CERT1: variants seen among roughly 807,000 people sequenced by gnomAD.
CERT1 encodes ceramide transporter 1, also known as ceramide transfer protein.
In CERT1, 31 loss-of-function variants were observed where a neutral mutation model predicts 87.9. That is an observed-to-expected ratio of 0.35 (90% CI 0.27 to 0.48). CERT1 has a LOEUF of 0.48. Ranked by LOEUF, CERT1 falls within the 20% of genes least tolerant of loss-of-function variation. CERT1 has a pLI of 0.99. For missense variants in CERT1, 487 were observed against 758.0 expected (o/e 0.64, Z 4.20); for synonymous variants, 289 against 250.9 (o/e 1.15, Z -1.44).
At chr5:75,503,014 C>T (rs1767457433) in intron 2 of CERT1, among the ~76,000 whole-genome samples, 1 of 152,038 alleles carries the variant, frequency 6.6e-6, no homozygotes, top group Non-Finnish European at 1.5e-5. Context: ...TACTTACTGT[C>T]AATCCTTTCA....
downstream of CERT1, chr5:75,377,611 T>C (rs1252176847): frequency 2.0e-5 from 3 of 152,244 alleles, no homozygotes; most frequent in African/African-American, 7.2e-5. Flanking sequence ...TGTTGAACAG[T>C]GTTTATAGTA....
At chr5:75,431,398 T>C (rs1763860264) in intron 3 of CERT1, among the ~76,000 whole-genome samples, 1 of 152,184 alleles carries the variant, frequency 6.6e-6, no homozygotes, top group Non-Finnish European at 1.5e-5. Flanking sequence ...TTAGCACCCA[T>C]TCCAGACTTA....
At chr5:75,494,862 T>G (rs969455114) in intron 2 of CERT1, among the ~76,000 whole-genome samples, 3 of 152,236 alleles carry the variant, frequency 2.0e-5, no homozygotes, top group African/African-American at 7.2e-5. Flanking sequence ...CTTTTCTTCA[T>G]AAGAAGATAA....
chr5:75,509,528 T>C (rs1408118015), intron 1 of CERT1, among the ~76,000 whole-genome samples: 2 of 152,146 alleles, frequency 1.3e-5, no homozygotes, highest in Non-Finnish European at 2.9e-5. Flanking sequence ...TCAAATACAT[T>C]TGTATGCATT....
At chr5:75,384,401 C>T (rs1027410120) in intron 14 of CERT1, among the ~76,000 whole-genome samples, 2 of 152,168 alleles carry the variant, frequency 1.3e-5, no homozygotes, top group South Asian at 2.1e-4. Flanking sequence ...GGGAACTAAC[C>T]GTTGATCTTT....
chr5:75,453,506 T>C (rs1764844185), intron 3 of CERT1, among the ~76,000 whole-genome samples: 1 of 152,138 alleles, frequency 6.6e-6, no homozygotes, highest in Non-Finnish European at 1.5e-5. Flanking sequence ...CAGCACAGAA[T>C]TGCTTCCTGG....
At chr5:75,375,644 ATATATAT>A (rs1265812051), downstream of CERT1, 3 of 146,924 alleles carry the variant, frequency 2.0e-5, no homozygotes, top group Admixed American at 1.4e-4. Context: ...ATAAATAAAA[ATATATAT>A]TATATATAAT....
intron 1 of CERT1, among the ~76,000 whole-genome samples, 183 bp from the exon 2 acceptor site, chr5:75,506,299 A>C (rs1767648731): frequency 6.6e-6 from 1 of 152,264 alleles, no homozygotes; most frequent in Non-Finnish European, 1.5e-5. Context: ...TAGATTGCAT[A>C]ATGATTTTCA....
At chr5:75,499,025 A>T (rs1289279249) in intron 2 of CERT1, among the ~76,000 whole-genome samples, 3 of 152,202 alleles carry the variant, frequency 2.0e-5, no homozygotes, top group African/African-American at 7.2e-5. Context: ...TGAGACATGG[A>T]GTCAAAGGAG....
chr5:75,492,122 C>T (rs1199665486), intron 2 of CERT1, among the ~76,000 whole-genome samples: 1 of 152,106 alleles, frequency 6.6e-6, no homozygotes, highest in African/African-American at 2.4e-5. Context: ...GGCTGGAGGA[C>T]TGCTTGAGCT....
In CERT1 at chr5:75,500,538, ATAAAT is replaced by A. The variant is rs537983209; in HGVS notation, c.231+5439_231+5443del. ...TCTTTTCTAATGAACTGCTAAACAG[ATAAAT>A]TATGAGTTTCTCAAAGCATAAATCT... On this transcript the variant is annotated intron_variant, in intron 2 of 16. Coordinates refer to ENST00000643780, the MANE Select transcript of CERT1 (RefSeq NM_001379029.1). Among the ~76,000 whole-genome samples the A allele has an allele frequency of 3.3e-5, 5 of 152,354 alleles. No homozygotes were observed. In the South Asian group the frequency reaches 1.0e-3, roughly 32 times the overall value.
chr5:75,479,570 A>G (rs577815004), intron 2 of CERT1, among the ~76,000 whole-genome samples: 1 of 152,278 alleles, frequency 6.6e-6, no homozygotes, highest in South Asian at 2.1e-4. Flanking sequence ...TTACTATGCT[A>G]AGGATAATAG....
intron 3 of CERT1, among the ~76,000 whole-genome samples, chr5:75,457,912 G>C (rs1460227329): frequency 8.0e-6 from 1 of 125,248 alleles, no homozygotes; most frequent in Non-Finnish European, 1.8e-5. Flanking sequence ...AGGCGCGCGT[G>C]TGTGTGTGTG....
intron 10 of CERT1, among the ~76,000 whole-genome samples, chr5:75,400,004 T>C (rs982768565): frequency 6.6e-6 from 1 of 152,090 alleles, no homozygotes; most frequent in Non-Finnish European, 1.5e-5. Context: ...TGGTGGTACA[T>C]GCCTGTAATC....
chr5:75,389,661 C>G lies in CERT1; in HGVS notation c.1215G>C (p.Met405Ile). 6.2e-7 allele frequency: 1 copy of G among 1,614,058 alleles called. No individual in the cohort carries two copies. Among genetic ancestry groups the G allele is most frequent in the Non-Finnish European group, 8.5e-7 (1 of 1,179,944 alleles). ...SQVEEMVQNH[M>I]TYSLQDVGGD... ...CGCCTACATCCTGTAATGAGTAAGTCATGTGGTTCTGCACCATCTCTTCAA... is the reference window on the plus strand; with the variant it reads ...CGCCTACATCCTGTAATGAGTAAGTGATGTGGTTCTGCACCATCTCTTCAA... The change falls in exon 12 of 17, where the codon ATG becomes ATC. Residue 405 changes from methionine (M) to isoleucine (I), a missense_variant. Coordinates refer to ENST00000643780, the MANE Select transcript of CERT1 (RefSeq NM_001379029.1).
intron 3 of CERT1, among the ~76,000 whole-genome samples, chr5:75,457,329 G>T (rs1765026137): frequency 6.6e-6 from 1 of 152,286 alleles, no homozygotes; most frequent in African/African-American, 2.4e-5. Context: ...ACTTTGAGCA[G>T]AAGTACCAAC....
At chr5:75,392,698 G>A (rs1032992859) in intron 11 of CERT1, among the ~76,000 whole-genome samples, 8 of 151,928 alleles carry the variant, frequency 5.3e-5, no homozygotes, top group Admixed American at 6.6e-5. Flanking sequence ...GGCCAGGTGC[G>A]GTGGCTCACG....
At chr5:75,408,439 C>A (rs1166431085) in intron 8 of CERT1, among the ~76,000 whole-genome samples, 1 of 152,164 alleles carries the variant, frequency 6.6e-6, no homozygotes, top group Non-Finnish European at 1.5e-5. Context: ...AAATAACTCT[C>A]TTCCTCCCCA....
At chr5:75,420,680 T>C (rs1763340892) in intron 5 of CERT1, among the ~76,000 whole-genome samples, 1 of 152,194 alleles carries the variant, frequency 6.6e-6, no homozygotes, top group Non-Finnish European at 1.5e-5. Flanking sequence ...TACTTTAACA[T>C]ACCTCTTTCT....
Sources: allele counts gnomAD v4.1 joint callset (sites outside exome capture counted in the v4.1 genomes callset), GRCh38; gene constraint gnomAD v4.1.1; transcripts MANE v1.5; gene names NCBI Gene and HGNC (gene_info 2026-07-23, HGNC 2026-07-21).